CALCR: variants seen among roughly 807,000 people sequenced by gnomAD.
CALCR encodes the protein calcitonin receptor.
Under a neutral mutation model 59.5 loss-of-function variants are expected in CALCR, and 47 were observed. The ratio of observed to expected loss-of-function variants is 0.79; its 90% CI spans 0.63 to 1.01. CALCR has a LOEUF of 1.01. Ranked by LOEUF, CALCR falls within the 50% of genes least tolerant of loss-of-function variation. The probability of loss-of-function intolerance (pLI) is 0.00; values close to 1 mark genes in which losing one functional copy is unlikely to be tolerated. For synonymous variants in CALCR, 213 were observed against 211.3 expected, an observed-to-expected ratio of 1.01 and a Z score of -0.07; for missense variants, 566 against 597.1, an observed-to-expected ratio of 0.95 and a Z score of 0.54.
chr7:93,498,688 C>T (rs1176312182), intron 2 of CALCR, among the ~76,000 whole-genome samples: 1 of 151,662 alleles, frequency 6.6e-6, no homozygotes, highest in Non-Finnish European at 1.5e-5. Flanking sequence ...ACTGGAATCA[C>T]TAAGCATACT....
At chr7:93,551,216 G>A (rs960306009) in intron 2 of CALCR, among the ~76,000 whole-genome samples, 1 of 152,114 alleles carries the variant, frequency 6.6e-6, no homozygotes, top group Non-Finnish European at 1.5e-5. Context: ...TTTAAAAAAG[G>A]CAAAAAGCCA....
chr7:93,485,577 T>C (rs1800924694), intron 3 of CALCR, among the ~76,000 whole-genome samples: 1 of 151,622 alleles, frequency 6.6e-6, no homozygotes, highest in Non-Finnish European at 1.5e-5. Context: ...AGGATTTCAT[T>C]TGAGCTATGA....
At chr7:93,560,893 G>A (rs902176003) in intron 2 of CALCR, among the ~76,000 whole-genome samples, 1 of 152,152 alleles carries the variant, frequency 6.6e-6, no homozygotes. Context: ...TTTAACTCAT[G>A]CTTTAATCTG....
rs13224825 is a variant in CALCR, at chr7:93,574,050, T to A, written c.-27+239A>T. 6.6e-5 allele frequency among the ~76,000 whole-genome samples: 10 copies of A among 152,278 alleles called. No individual in the cohort carries two copies. In the South Asian group the frequency reaches 2.1e-3, roughly 32 times the overall value. On this transcript the variant is annotated intron_variant, in intron 2 of 13. Coordinates refer to ENST00000426151, the MANE Select transcript of CALCR (RefSeq NM_001742.4). Reference sequence around the variant, plus strand: ...GTAAAAGTCACAAGAAATCAAACGATTCTTCAATACGAAACCATAAGTTGT... The same window carrying A: ...GTAAAAGTCACAAGAAATCAAACGAATCTTCAATACGAAACCATAAGTTGT...
intron 9 of CALCR, among the ~76,000 whole-genome samples, chr7:93,438,544 C>G (rs1370543478): frequency 6.6e-6 from 1 of 152,182 alleles, no homozygotes; most frequent in Non-Finnish European, 1.5e-5. Context: ...TACACTATGA[C>G]TATTATTACC....
chr7:93,566,059 AATT>A (rs1406106735), intron 2 of CALCR, among the ~76,000 whole-genome samples: 2 of 152,182 alleles, frequency 1.3e-5, no homozygotes, highest in African/African-American at 2.4e-5. Context: ...TTTCTTTAAA[AATT>A]ATTATTATTA....
rs201171291 is a variant in CALCR, at chr7:93,477,574, C to T, written c.300G>A (p.Pro100=). ...LSYQFCPDYF[P]DFDPSEKVTK... ...ACACTCTACCTGATGGATCAAAATC[C>T]GGAAAATAATCTGGGCAGAACTGAT... is the stretch of plus-strand genomic sequence containing the variant. The change falls in exon 5 of 14, where the codon CCG becomes CCA. Residue 100 remains proline (P), a synonymous_variant. Coordinates refer to ENST00000426151, the MANE Select transcript of CALCR (RefSeq NM_001742.4). 59 of 1,608,340 alleles carry T rather than the reference C, an allele frequency of 3.7e-5. No individual in the cohort carries two copies. The highest frequency in any genetic ancestry group is 2.1e-4 in the South Asian group (19 of 90,826).
intron 2 of CALCR, among the ~76,000 whole-genome samples, chr7:93,526,566 T>C (rs1801882097): frequency 6.6e-6 from 1 of 152,098 alleles, no homozygotes; most frequent in Admixed American, 6.6e-5. Context: ...GTTACTTATT[T>C]AAGTGTGGTC....
intron 2 of CALCR, among the ~76,000 whole-genome samples, chr7:93,517,747 C>T (rs1375706338): frequency 6.6e-6 from 1 of 151,856 alleles, no homozygotes; most frequent in Non-Finnish European, 1.5e-5. Context: ...GGATTTCTTT[C>T]TAACTCATGG....
chr7:93,440,262 C>T (rs1019082338), intron 9 of CALCR, among the ~76,000 whole-genome samples: 3 of 152,036 alleles, frequency 2.0e-5, no homozygotes, highest in African/African-American at 4.8e-5. Flanking sequence ...ATACTGTCTT[C>T]ATGTGAAAAA....
chr7:93,490,718 C>A (rs1342019157), intron 2 of CALCR, among the ~76,000 whole-genome samples: 1 of 151,846 alleles, frequency 6.6e-6, no homozygotes, highest in Non-Finnish European at 1.5e-5. Flanking sequence ...AGGACCTCTT[C>A]AAGGAGAACT....
intron 2 of CALCR, among the ~76,000 whole-genome samples, chr7:93,562,464 A>C (rs1390000930): frequency 6.6e-6 from 1 of 152,236 alleles, no homozygotes; most frequent in African/African-American, 2.4e-5. Context: ...CATTATAATT[A>C]ATAAAACACC....
At chr7:93,498,614 C>G (rs1490046979) in intron 2 of CALCR, among the ~76,000 whole-genome samples, 2 of 151,416 alleles carry the variant, frequency 1.3e-5, no homozygotes, top group African/African-American at 4.8e-5. Context: ...TAAGATGAAG[C>G]CAAACTTCGA....
intron 3 of CALCR, among the ~76,000 whole-genome samples, chr7:93,484,792 T>C (rs1800903608): frequency 6.6e-6 from 1 of 151,776 alleles, no homozygotes; most frequent in African/African-American, 2.4e-5. Flanking sequence ...TTATTACCAT[T>C]GGCTTTGTTG....
At chr7:93,534,269 C>G (rs554276629) in intron 2 of CALCR, among the ~76,000 whole-genome samples, 1 of 151,714 alleles carries the variant, frequency 6.6e-6, no homozygotes, top group East Asian at 1.9e-4. Flanking sequence ...ATTATTATCT[C>G]CAGTTTAAAA....
intron 2 of CALCR, chr7:93,559,383 T>C (rs2188801): frequency 0.68 from 103,419 of 151,932 alleles, 36,391 homozygotes; most frequent in African/African-American, 0.87. Context: ...ATCTGGTTTT[T>C]TGCAGCTTGC....
intron 2 of CALCR, among the ~76,000 whole-genome samples, chr7:93,545,635 C>T (rs1227445199): frequency 6.6e-6 from 1 of 152,122 alleles, no homozygotes; most frequent in African/African-American, 2.4e-5. Context: ...ATAGAGATTA[C>T]TTCATGGGAC....
chr7:93,550,767 CT>C (rs1789438272), intron 2 of CALCR, among the ~76,000 whole-genome samples: 1 of 152,122 alleles, frequency 6.6e-6, no homozygotes, highest in African/African-American at 2.4e-5. Context: ...TCTGAATCAT[CT>C]GCATAATTTG....
At chr7:93,499,916 A>T (rs1432698058) in intron 2 of CALCR, among the ~76,000 whole-genome samples, 2 of 151,904 alleles carry the variant, frequency 1.3e-5, no homozygotes, top group African/African-American at 2.4e-5. Context: ...TGGGATTAAG[A>T]TATAGTCCTT....
Sources: gnomAD v4.1 joint callset for allele counts (sites outside exome capture counted in the v4.1 genomes callset) on GRCh38, gnomAD v4.1.1 for gene constraint, MANE v1.5 for transcripts, NCBI Gene and HGNC (gene_info 2026-07-23, HGNC 2026-07-21) for gene names.